Variants in HEMK2 observed in about 807,000 individuals in gnomAD.
The protein encoded by HEMK2 is methyltransferase HEMK2.
At chr21:28,831,455 A>AAAAGAATG in the HEMK2 span, among the ~76,000 whole-genome samples, 1 of 56,968 alleles carries the variant, frequency 1.8e-5, no homozygotes, top group Non-Finnish European at 3.0e-5. Context: ...AAAAAGAAAG[A>AAAAGAATG]AAAGAACGAA....
chr21:28,614,279 G>A, the HEMK2 span, among the ~76,000 whole-genome samples: 1 of 151,968 alleles, frequency 6.6e-6, no homozygotes, highest in African/African-American at 2.4e-5. Context: ...ACACTAGACT[G>A]ATATTCTTAT....
chr21:28,699,054 T>G, the HEMK2 span, among the ~76,000 whole-genome samples: 32 of 152,324 alleles, frequency 2.1e-4, no homozygotes, highest in African/African-American at 7.2e-4. Flanking sequence ...CTAATATTAT[T>G]TCATATTTTA....
At chr21:28,817,060 C>T in the HEMK2 span, among the ~76,000 whole-genome samples, 2 of 152,170 alleles carry the variant, frequency 1.3e-5, no homozygotes, top group African/African-American at 4.8e-5. Flanking sequence ...AAATGCTAAA[C>T]ACTTCCAGTT....
At chr21:28,883,083 A>ATAAATAAATATTAGTAT in the HEMK2 span, 3 of 1,563,050 alleles carry the variant, frequency 1.9e-6, no homozygotes, top group Non-Finnish European at 2.6e-6. Context: ...TGAAAAAAAA[A>ATAAATAAATATTAGTAT]TAAATAAATA....
At chr21:28,651,080 A>G in the HEMK2 span, among the ~76,000 whole-genome samples, 162 of 152,328 alleles carry the variant, frequency 1.1e-3, no homozygotes, top group Middle Eastern at 3.4e-3. Context: ...GACCAAGTAA[A>G]TCTTATTCAG....
chr21:28,803,674 G>A, the HEMK2 span, among the ~76,000 whole-genome samples: 1 of 152,276 alleles, frequency 6.6e-6, no homozygotes, highest in South Asian at 2.1e-4. Context: ...AATAGTAGCT[G>A]CTTCCCAAAA....
chr21:28,675,778 G>T, the HEMK2 span, among the ~76,000 whole-genome samples: 1 of 152,190 alleles, frequency 6.6e-6, no homozygotes, highest in Non-Finnish European at 1.5e-5. Flanking sequence ...ATATTGGAGT[G>T]TGTGTTTTTA....
the HEMK2 span, among the ~76,000 whole-genome samples, chr21:28,789,127 G>T: frequency 6.6e-6 from 1 of 152,088 alleles, no homozygotes; most frequent in African/African-American, 2.4e-5. Context: ...AAAAAAAAAG[G>T]CAAATATCCA....
the HEMK2 span, among the ~76,000 whole-genome samples, chr21:28,826,292 G>C: frequency 6.6e-6 from 1 of 152,196 alleles, no homozygotes; most frequent in East Asian, 1.9e-4. Context: ...AAACCCATCT[G>C]TAAATATTAG....
At chr21:28,827,228 G>C in the HEMK2 span, among the ~76,000 whole-genome samples, 35,630 of 152,050 alleles carry the variant, frequency 0.23, 5,879 homozygotes, top group African/African-American at 0.46. Context: ...GTACCTCTAA[G>C]ACGTTTTATA....
At chr21:28,707,076 A>G in the HEMK2 span, among the ~76,000 whole-genome samples, 1 of 152,150 alleles carries the variant, frequency 6.6e-6, no homozygotes, top group Non-Finnish European at 1.5e-5. Flanking sequence ...AAGGGCCTCA[A>G]AGTTCATGTG....
chr21:28,695,601 C>T, the HEMK2 span, among the ~76,000 whole-genome samples: 7 of 151,964 alleles, frequency 4.6e-5, no homozygotes, highest in Non-Finnish European at 7.4e-5. Context: ...CCATGAGAAC[C>T]GCCCCCATGA....
the HEMK2 span, among the ~76,000 whole-genome samples, chr21:28,712,320 A>G: frequency 6.6e-6 from 1 of 152,210 alleles, no homozygotes; most frequent in Admixed American, 6.5e-5. Flanking sequence ...GGGAAGCCCA[A>G]CTTCAATCAG....
At chr21:28,666,592 A>G in the HEMK2 span, among the ~76,000 whole-genome samples, 1 of 152,206 alleles carries the variant, frequency 6.6e-6, no homozygotes, top group Non-Finnish European at 1.5e-5. Context: ...ACTACTGGAA[A>G]CAGTTAAGAA....
chr21:28,794,659 C>T, the HEMK2 span, among the ~76,000 whole-genome samples: 1 of 152,230 alleles, frequency 6.6e-6, no homozygotes, highest in African/African-American at 2.4e-5. Flanking sequence ...TATTGTATGA[C>T]AAGCTTGCTT....
chr21:28,760,844 T>G, the HEMK2 span, among the ~76,000 whole-genome samples: 1 of 152,148 alleles, frequency 6.6e-6, no homozygotes, highest in Non-Finnish European at 1.5e-5. Flanking sequence ...TGTTTCACAT[T>G]TGTTTTCTAT....
the HEMK2 span, among the ~76,000 whole-genome samples, chr21:28,600,209 T>G: frequency 1.3e-5 from 2 of 152,242 alleles, no homozygotes; most frequent in Non-Finnish European, 2.9e-5. Flanking sequence ...ATAGCAGAGA[T>G]TCTTCATGAG....
At chr21:28,721,529 G>A in the HEMK2 span, among the ~76,000 whole-genome samples, 2 of 151,998 alleles carry the variant, frequency 1.3e-5, no homozygotes, top group Admixed American at 6.5e-5. Flanking sequence ...ACTAGAAAAC[G>A]TTACATGGCT....
At chr21:28,755,487 G>A in the HEMK2 span, among the ~76,000 whole-genome samples, 4 of 152,168 alleles carry the variant, frequency 2.6e-5, no homozygotes, top group Non-Finnish European at 1.5e-5. Flanking sequence ...TGCAACTTAT[G>A]TTTCTACCAT....
Sources: allele counts gnomAD v4.1 joint callset (sites outside exome capture counted in the v4.1 genomes callset), GRCh38; gene constraint gnomAD v4.1.1; transcripts MANE v1.5; gene names NCBI Gene and HGNC (gene_info 2026-07-23, HGNC 2026-07-21).